ATP9B: variants seen among roughly 807,000 people sequenced by gnomAD.
ATP9B encodes the protein probable phospholipid-transporting ATPase IIB.
In ATP9B, 110 loss-of-function variants were observed where a neutral mutation model predicts 146.1. The ratio of observed to expected loss-of-function variants is 0.75; its 90% confidence interval spans 0.65 to 0.88. The LOEUF (loss-of-function observed/expected upper bound fraction) is 0.88, where lower values mean the gene tolerates loss of function less well. Ranked by LOEUF, ATP9B falls within the 40% of genes least tolerant of loss-of-function variation. The probability of loss-of-function intolerance (pLI) is 0.00; values close to 1 mark genes in which losing one functional copy is unlikely to be tolerated. For missense variants in ATP9B, 1,499 were observed against 1,496.4 expected (o/e 1.00, Z -0.03); for synonymous variants, 604 against 569.7 (o/e 1.06, Z -0.86).
At chr18:79,177,928 G>C (rs1274064534) in intron 8 of ATP9B, among the ~76,000 whole-genome samples, 1 of 152,164 alleles carries the variant, frequency 6.6e-6, no homozygotes. Flanking sequence ...AGGATACTAT[G>C]CATAATTTAT....
chr18:79,361,914 A>G (rs3826566), intron 26 of ATP9B: 314,695 of 495,656 alleles, frequency 0.63, 101,726 homozygotes, highest in East Asian at 0.82. Flanking sequence ...TGCTCTCAAC[A>G]AGTCTGTATT....
At chr18:79,114,639 TTATATG>T (rs1287391562) in intron 4 of ATP9B, among the ~76,000 whole-genome samples, 1 of 152,218 alleles carries the variant, frequency 6.6e-6, no homozygotes, top group Non-Finnish European at 1.5e-5. Context: ...ATGAGTAACT[TTATATG>T]TAATATAAAC....
At chr18:79,197,064 T>TA (rs1357548815) in intron 9 of ATP9B, among the ~76,000 whole-genome samples, 1 of 152,176 alleles carries the variant, frequency 6.6e-6, no homozygotes, top group East Asian at 1.9e-4. Context: ...TCACCAAAAG[T>TA]TGAACATACA....
chr18:79,208,099 G>C (rs1467208680), intron 10 of ATP9B, among the ~76,000 whole-genome samples: 2 of 152,102 alleles, frequency 1.3e-5, no homozygotes, highest in African/African-American at 4.8e-5. Context: ...CAAAAAATTA[G>C]CCGGGCGTGG....
intron 19 of ATP9B, among the ~76,000 whole-genome samples, chr18:79,338,289 C>T (rs2096838587): frequency 6.6e-6 from 1 of 152,230 alleles, no homozygotes; most frequent in African/African-American, 2.4e-5. Flanking sequence ...GACGCCTGGA[C>T]GTACAGGGCA....
chr18:79,333,581 G>T (rs531520817), intron 17 of ATP9B, among the ~76,000 whole-genome samples: 1 of 152,126 alleles, frequency 6.6e-6, no homozygotes, highest in African/African-American at 2.4e-5. Flanking sequence ...TAGCTGTAAC[G>T]TAGAGCTTTA....
At chr18:79,287,711 G>C (rs189301228) in intron 13 of ATP9B, among the ~76,000 whole-genome samples, 1 of 151,916 alleles carries the variant, frequency 6.6e-6, no homozygotes, top group African/African-American at 2.4e-5. Flanking sequence ...GTGATGTTAG[G>C]GTGTCACTTT....
chr18:79,137,212 CT>C (rs1266303059), intron 5 of ATP9B, among the ~76,000 whole-genome samples: 20 of 152,252 alleles, frequency 1.3e-4, no homozygotes, highest in African/African-American at 4.1e-4. Flanking sequence ...GTTTTCATAG[CT>C]GTTTTCATGT....
chr18:79,163,449 T>C (rs762240698), intron 7 of ATP9B, among the ~76,000 whole-genome samples: 1 of 152,182 alleles, frequency 6.6e-6, no homozygotes, highest in African/African-American at 2.4e-5. Flanking sequence ...CTTTATGTAA[T>C]AGAAAATCTA....
chr18:79,081,186 A>T (rs1327128543), intron 1 of ATP9B, among the ~76,000 whole-genome samples: 1 of 152,190 alleles, frequency 6.6e-6, no homozygotes, highest in African/African-American at 2.4e-5. Flanking sequence ...ATAGTTTCAG[A>T]AGGAATGATA....
At chr18:79,133,842 T>G (rs1481357339) in intron 5 of ATP9B, among the ~76,000 whole-genome samples, 2 of 152,204 alleles carry the variant, frequency 1.3e-5, no homozygotes, top group African/African-American at 2.4e-5. Context: ...TGAACAGCCC[T>G]TAGCTGGGCC....
In ATP9B at chr18:79,096,516, C is replaced by A; in HGVS notation, c.160C>A (p.Pro54Thr). ...TGAGTCTGCGCATTTGGATGAAATG[C>A]CACTAATGATGTCTGAAGAAGGCTT... is the stretch of plus-strand genomic sequence containing the variant. ...EDESAHLDEM[P>T]LMMSEEGFEN... The change falls in exon 2 of 30, where the codon CCA (proline) becomes ACA (threonine). Residue 54 changes from proline to threonine, a missense_variant. Physicochemically the swap from Pro to Thr is conservative, Grantham distance 38. Transcript: ENST00000426216. 1 of 1,613,966 alleles carries A rather than the reference C, an allele frequency of 6.2e-7. No homozygotes were observed. Among genetic ancestry groups the A allele is most frequent in the Non-Finnish European group, 8.5e-7 (1 of 1,179,952 alleles).
chr18:79,113,854 A>G (rs926188110), intron 4 of ATP9B, among the ~76,000 whole-genome samples: 1 of 152,228 alleles, frequency 6.6e-6, no homozygotes, highest in Non-Finnish European at 1.5e-5. Context: ...CATTTCAAAT[A>G]TATGCTGTCT....
intron 15 of ATP9B, among the ~76,000 whole-genome samples, chr18:79,308,018 A>G (rs1320816420): frequency 2.0e-5 from 3 of 152,182 alleles, no homozygotes; most frequent in Non-Finnish European, 4.4e-5. Context: ...AAAAGAAAAA[A>G]ATCAGATCTA....
intron 7 of ATP9B, among the ~76,000 whole-genome samples, chr18:79,172,813 G>T (rs1453666941): frequency 6.6e-6 from 1 of 152,244 alleles, no homozygotes; most frequent in Non-Finnish European, 1.5e-5. Flanking sequence ...TTGTTTACAG[G>T]TTTTTGTTAT....
Position 79,245,729 on chromosome 18 carries a change from G to A in ATP9B, c.1108-7652G>A, listed in dbSNP as rs545996120. Among the ~76,000 whole-genome samples, 226 of 143,690 alleles carry A rather than the reference G, an allele frequency of 1.6e-3. 1 individual carries two copies. The highest frequency in any genetic ancestry group is 5.6e-3 in the African/African-American group (211 of 37,916). The allele number at this position is 143,690 out of a possible 152,430, so 94.3% of individuals were successfully genotyped here. A position where few individuals can be genotyped will look rare whatever the true frequency, so the allele number is the denominator to read the frequency against. On this transcript the variant is annotated intron_variant, in intron 11 of 29. Coordinates refer to ENST00000426216, the MANE Select transcript of ATP9B (RefSeq NM_198531.5). ...GAGGGTACCGCCCTACTGACTGTGT[G>A]GAGGACACCGCCCTGCTGACTGAGG...
intron 13 of ATP9B, among the ~76,000 whole-genome samples, chr18:79,295,857 TATG>T (rs1161001774): frequency 2.0e-5 from 3 of 152,224 alleles, no homozygotes; most frequent in Admixed American, 2.0e-4. Flanking sequence ...AAGGCTCCAC[TATG>T]ATGAGGGCCC....
rs1430456529 is a variant in ATP9B, at chr18:79,072,888, G to A, written c.119+3359G>A. The stretch of plus-strand genomic sequence containing the variant: ...AGTTCCCAGACAGGGTGGCGGCTGG[G>A]TAGAGATGCTCCTCACCTCCCAGAC... On this transcript the variant is annotated intron_variant, in intron 1 of 29. Coordinates refer to ENST00000426216, the MANE Select transcript of ATP9B (RefSeq NM_198531.5). Among the ~76,000 whole-genome samples, 3 of 151,758 alleles carry A rather than the reference G, an allele frequency of 2.0e-5. No individual in the cohort carries two copies. The East Asian group carries it at 5.9e-4, about 30-fold the overall frequency.
At chr18:79,110,004 G>A (rs1031600288) in intron 2 of ATP9B, among the ~76,000 whole-genome samples, 1 of 152,200 alleles carries the variant, frequency 6.6e-6, no homozygotes, top group East Asian at 1.9e-4. Flanking sequence ...TCATTGAAAA[G>A]TGTATTGGGA....
Sources: gnomAD v4.1 joint callset for allele counts (sites outside exome capture counted in the v4.1 genomes callset) on GRCh38, gnomAD v4.1.1 for gene constraint, MANE v1.5 for transcripts, NCBI Gene and HGNC (gene_info 2026-07-23, HGNC 2026-07-21) for gene names.